IGF1: variants seen among roughly 807,000 people sequenced by gnomAD.
IGF1 encodes the protein insulin like growth factor 1.
A neutral mutation model predicts 13.8 loss-of-function variants in IGF1; 4 were observed. That is an observed-to-expected ratio of 0.29 (90% CI 0.14 to 0.66). The LOEUF is 0.66. IGF1 is among the 30% of genes least tolerant of loss of function. IGF1 has a pLI of 0.78. For missense variants in IGF1, 124 were observed against 188.5 expected, an observed-to-expected ratio of 0.66 and a Z score of 2.00; for synonymous variants, 76 against 72.6, an observed-to-expected ratio of 1.05 and a Z score of -0.23.
chr12:102,438,710 A>G (rs916563383), intron 2 of IGF1, among the ~76,000 whole-genome samples: 1 of 152,228 alleles, frequency 6.6e-6, no homozygotes, highest in Non-Finnish European at 1.5e-5. Context: ...ACAAGGCATT[A>G]TAAACCGTGA....
At chr12:102,472,520 T>C (rs1435490625) in intron 2 of IGF1, among the ~76,000 whole-genome samples, 1 of 152,216 alleles carries the variant, frequency 6.6e-6, no homozygotes, top group Non-Finnish European at 1.5e-5. Flanking sequence ...AATCAGAAAC[T>C]GCCTTCTACT....
chr12:102,479,774 A>C (rs977432898), intron 1 of IGF1, among the ~76,000 whole-genome samples: 2 of 152,226 alleles, frequency 1.3e-5, no homozygotes, highest in African/African-American at 4.8e-5. Flanking sequence ...CTCTCTGGGC[A>C]TAAGTGCAGA....
intron 2 of IGF1, among the ~76,000 whole-genome samples, chr12:102,422,530 T>C (rs1320350606): frequency 2.0e-5 from 3 of 152,218 alleles, no homozygotes; most frequent in African/African-American, 7.2e-5. Context: ...AGATCACAGT[T>C]GAGGGTCAAA....
At position 102,400,970 on chromosome 12, in the gene IGF1, C is replaced by G. The variant is rs3730218; in HGVS notation, c.*1537G>C. 1 of 152,196 alleles carries G rather than the reference C, an allele frequency of 6.6e-6. No homozygotes were observed. Among genetic ancestry groups the G allele is most frequent in the Admixed American group, 6.5e-5 (1 of 15,274 alleles). 9.4% of individuals were successfully genotyped at this position (152,196 alleles called of 1,614,324 possible). Reference sequence around the variant, plus strand: ...GTGTTTTAAGAGATTGAGCTGTTAGCTTTTAACAACTAGTTGGCCAGTTAT... The same window carrying G: ...GTGTTTTAAGAGATTGAGCTGTTAGGTTTTAACAACTAGTTGGCCAGTTAT... On this transcript the variant is annotated 3_prime_UTR_variant, in exon 4 of 4. Transcript: ENST00000337514.
intron 2 of IGF1, among the ~76,000 whole-genome samples, chr12:102,438,429 C>T (rs907229271): frequency 6.6e-6 from 1 of 152,146 alleles, no homozygotes; most frequent in African/African-American, 2.4e-5. Context: ...CGGCTGTAAA[C>T]GTTATCTTAT....
intron 3 of IGF1, among the ~76,000 whole-genome samples, chr12:102,412,562 C>A (rs1271651538): frequency 2.0e-5 from 3 of 152,144 alleles, no homozygotes; most frequent in Admixed American, 2.0e-4. Context: ...CATCATACTT[C>A]CACTTTTTAA....
chr12:102,429,108 GTATTA>G (rs1389239345), intron 2 of IGF1, among the ~76,000 whole-genome samples: 1 of 152,072 alleles, frequency 6.6e-6, no homozygotes, highest in East Asian at 1.9e-4. Flanking sequence ...GCATGTTGTG[GTATTA>G]TATTATTTTT....
intron 2 of IGF1, chr12:102,463,580 A>C (rs1880088038): frequency 6.6e-6 from 1 of 152,238 alleles, no homozygotes; most frequent in African/African-American, 2.4e-5. Context: ...GATTTGGGAT[A>C]AAGAGACTTC....
chr12:102,467,504 A>G (rs1880410587), intron 2 of IGF1, among the ~76,000 whole-genome samples: 1 of 152,240 alleles, frequency 6.6e-6, no homozygotes, highest in Admixed American at 6.5e-5. Context: ...TAGAGTCAGA[A>G]TAGTATAATA....
chr12:102,439,663 T>A (rs906078088), intron 2 of IGF1, among the ~76,000 whole-genome samples: 1 of 151,522 alleles, frequency 6.6e-6, no homozygotes, highest in Admixed American at 6.6e-5. Context: ...TCAGATTTCA[T>A]TCTCCTATTT....
rs1361117209 is a variant in IGF1, at chr12:102,398,686, A to C, written c.*3821T>G. ...TACTTGTGAGTGATAAAAAGTTGAA[A>C]GGTGGTGGTGGCTAGATAGACCTAA... On this transcript the variant is annotated 3_prime_UTR_variant, in exon 4 of 4. Coordinates refer to ENST00000337514, the MANE Select transcript of IGF1 (RefSeq NM_000618.5). 2 of 152,180 alleles carry C rather than the reference A, an allele frequency of 1.3e-5. No individual in the cohort carries two copies. The highest frequency in any genetic ancestry group is 2.9e-5 in the Non-Finnish European group (2 of 68,032). The allele number at this position is 152,180 out of a possible 1,614,324, so 9.4% of individuals were successfully genotyped here. A position where few individuals can be genotyped will look rare whatever the true frequency, so the allele number is the denominator to read the frequency against.
chr12:102,443,195 A>G (rs1462400724), intron 2 of IGF1, among the ~76,000 whole-genome samples: 1 of 152,148 alleles, frequency 6.6e-6, no homozygotes, highest in Non-Finnish European at 1.5e-5. Context: ...CCTAATTTTC[A>G]GCTAACTGTA....
intron 2 of IGF1, among the ~76,000 whole-genome samples, chr12:102,468,661 G>T (rs1292330514): frequency 6.6e-6 from 1 of 152,192 alleles, no homozygotes; most frequent in African/African-American, 2.4e-5. Context: ...AAGGCCTGGG[G>T]GTTTGAACTT....
chr12:102,478,525 C>T (rs1881211694), intron 1 of IGF1: 1 of 1,610,828 alleles, frequency 6.2e-7, no homozygotes, highest in Non-Finnish European at 8.5e-7. Flanking sequence ...AGGTCTTTTA[C>T]AGCAGGTCAG....
intron 3 of IGF1, among the ~76,000 whole-genome samples, chr12:102,405,442 G>T (rs1036687345): frequency 2.0e-5 from 3 of 151,914 alleles, no homozygotes; most frequent in African/African-American, 7.2e-5. Context: ...GACACATGGG[G>T]CCACAGAATA....
intron 2 of IGF1, among the ~76,000 whole-genome samples, chr12:102,441,908 T>TGCTTCTTCTTCTTCTTCTTCC (rs1555244024): frequency 9.1e-6 from 1 of 109,390 alleles, no homozygotes; most frequent in Non-Finnish European, 1.9e-5. Flanking sequence ...ATTACACTGC[T>TGCTTCTTCTTCTTCTTCTTCC]TCTTCTCCTT....
intron 2 of IGF1, among the ~76,000 whole-genome samples, chr12:102,455,065 C>A (rs541295500): frequency 6.6e-6 from 1 of 152,330 alleles, no homozygotes; most frequent in East Asian, 1.9e-4. Context: ...ACCCACCGTG[C>A]CATTCCTGGG....
chr12:102,445,762 A>G (rs892570940), intron 2 of IGF1, among the ~76,000 whole-genome samples: 1 of 152,204 alleles, frequency 6.6e-6, no homozygotes, highest in African/African-American at 2.4e-5. Flanking sequence ...AGAACTTCCA[A>G]TGCTGTGTTG....
chr12:102,452,271 A>G (rs1183525742), intron 2 of IGF1, among the ~76,000 whole-genome samples: 2 of 149,712 alleles, frequency 1.3e-5, no homozygotes, highest in Non-Finnish European at 3.0e-5. Context: ...CAAAAAAAAA[A>G]AAAAAAAAAA....
Sources: allele counts gnomAD v4.1 joint callset (sites outside exome capture counted in the v4.1 genomes callset), GRCh38; gene constraint gnomAD v4.1.1; transcripts MANE v1.5; gene names NCBI Gene and HGNC (gene_info 2026-07-23, HGNC 2026-07-21).